ZNF559: variants seen among roughly 807,000 people sequenced by gnomAD.
ZNF559 encodes zinc finger protein 559, also known as putative protein product of Nbla00121.
Under a neutral mutation model 14.2 loss-of-function variants are expected in ZNF559, and 17 were observed. The observed-to-expected ratio is 1.20, with a 90% confidence interval of 0.82 to 1.80. ZNF559 has a LOEUF of 1.80. Among genes scored for constraint, ZNF559 ranks in the 40% most tolerant of loss-of-function variants. The probability of loss-of-function intolerance (pLI) is 0.00; values close to 1 mark genes in which losing one functional copy is unlikely to be tolerated. For missense variants in ZNF559, 740 were observed against 629.7 expected, an observed-to-expected ratio of 1.18 and a Z score of -1.88; for synonymous variants, 244 against 212.4, an observed-to-expected ratio of 1.15 and a Z score of -1.29.
intron 6 of ZNF559, 178 bp downstream of exon 6, chr19:9,341,362 C>A: frequency 1.3e-6 from 1 of 759,378 alleles, no homozygotes; most frequent in South Asian, 1.5e-5. Flanking sequence ...TCTAAACATC[C>A]CTCAGAATAT....
intron 5 of ZNF559, among the ~76,000 whole-genome samples, chr19:9,340,733 ATT>A (rs201367378): frequency 0.032 from 4,039 of 124,634 alleles, 197 homozygotes; most frequent in African/African-American, 0.11. Flanking sequence ...TGCCTGGCTA[ATT>A]TTTTTTTTTT....
chr19:9,341,224 G>A, intron 6 of ZNF559, 40 bp downstream of exon 6: 1 of 1,568,156 alleles, frequency 6.4e-7, no homozygotes, highest in Non-Finnish European at 8.8e-7. Flanking sequence ...TTCCATGTTA[G>A]AGGAAGATTG....
At position 9,338,595 on chromosome 19, in the gene ZNF559, T is replaced by A; in HGVS notation, c.33+13T>A. 1 of 1,601,544 alleles carries A rather than the reference T, an allele frequency of 6.2e-7. No homozygotes were observed. The highest frequency in any genetic ancestry group is 1.1e-5 in the South Asian group (1 of 90,776). ...AAATTACTCTCAGGTAAGTAGGAAATTGCTTTTTCTGTAGAAGCATATGCT... is the reference window on the plus strand; with the variant it reads ...AAATTACTCTCAGGTAAGTAGGAAAATGCTTTTTCTGTAGAAGCATATGCT... On this transcript the variant is annotated intron_variant, in intron 4 of 6. Transcript: ENST00000603380.
At chr19:9,324,306 T>G (rs2066440855) in intron 1 of ZNF559, 78 bp downstream of exon 1, 2 of 1,535,200 alleles carry the variant, frequency 1.3e-6, no homozygotes, top group Non-Finnish European at 1.7e-6. Flanking sequence ...AAAGGGGAGG[T>G]GCCCAGTGAA....
intron 4 of ZNF559, among the ~76,000 whole-genome samples, chr19:9,338,952 GA>G (rs1003252125): frequency 2.0e-5 from 3 of 152,158 alleles, no homozygotes; most frequent in African/African-American, 7.2e-5. Flanking sequence ...ACAATAAGAA[GA>G]AGTCACAATC....
At chr19:9,324,013 C>G (rs766223997), upstream of ZNF559, 30 of 736,100 alleles carry the variant, frequency 4.1e-5, no homozygotes, top group Non-Finnish European at 5.7e-5. Flanking sequence ...AGCTTGCAGT[C>G]AAGACCCCCT....
At chr19:9,329,559 G>A (rs1185355548) in intron 2 of ZNF559, among the ~76,000 whole-genome samples, 1 of 152,168 alleles carries the variant, frequency 6.6e-6, no homozygotes, top group Non-Finnish European at 1.5e-5. Flanking sequence ...GGCTCCTGCT[G>A]TCCTTTGGTT....
At chr19:9,327,922 C>T (rs1295596026) in intron 2 of ZNF559, among the ~76,000 whole-genome samples, 1 of 152,204 alleles carries the variant, frequency 6.6e-6, no homozygotes, top group Non-Finnish European at 1.5e-5. Flanking sequence ...GTATTTTCCT[C>T]TTACAGACCT....
rs1568369447 is a variant in ZNF559, at chr19:9,342,658, C to G, written c.1207C>G (p.His403Asp). 6.2e-7 allele frequency: 1 copy of G among 1,614,190 alleles called. No individual in the cohort carries two copies. Among genetic ancestry groups the G allele is most frequent in the South Asian group, 1.1e-5 (1 of 91,088 alleles). Residue 403 changes from histidine (H) to aspartate (D), a missense_variant, in exon 7 of 7, where the codon CAT (histidine) becomes GAT (aspartate). Transcript: ENST00000603380. ...TTCCTTTAAAAGTCACATGCAGACTCATCCTGGTGTAAAACCCTATGACTG... is the reference window on the plus strand; with the variant it reads ...TTCCTTTAAAAGTCACATGCAGACTGATCCTGGTGTAAAACCCTATGACTG... ...SSSFKSHMQT[H>D]PGVKPYDCQQ... is the part of the protein sequence containing the mutation.
rs1252096504 is a variant in ZNF559 at position 9,342,106 on chromosome 19, G to A, written c.655G>A (p.Val219Ile). 1 of 1,613,512 alleles carries A rather than the reference G, an allele frequency of 6.2e-7. No individual in the cohort carries two copies. Residue 219 changes from valine (V) to isoleucine (I), a missense_variant, in exon 7 of 7, where the codon GTC (valine) becomes ATC (isoleucine). Transcript: ENST00000603380. ...GAGACCATATACTCATAAGGAGTATGTCGAAACCTTTTCTCATTCTACAGC... is the reference window on the plus strand; with the variant it reads ...GAGACCATATACTCATAAGGAGTATATCGAAACCTTTTCTCATTCTACAGC... ...GERPYTHKEY[V>I]ETFSHSTALF... is the part of the protein sequence containing the mutation.
chr19:9,345,670 T>G lies in ZNF559; in HGVS notation c.*2602T>G, dbSNP rs535847609. On this transcript the variant is annotated 3_prime_UTR_variant, in exon 7 of 7. Transcript: ENST00000603380. Reference sequence around the variant, plus strand: ...TTATTTATTTTTATTTTTTTTTATATAGAGACAGGGTTTTACTCTGTCTCC... The same window carrying G: ...TTATTTATTTTTATTTTTTTTTATAGAGAGACAGGGTTTTACTCTGTCTCC... 6.6e-6 allele frequency: 1 copy of G among 151,144 alleles called. No homozygotes were observed. Among genetic ancestry groups the G allele is most frequent in the African/African-American group, 2.4e-5 (1 of 41,278 alleles). The allele number at this position is 151,144 out of a possible 1,614,324, so 9.4% of individuals were successfully genotyped here.
Position 9,324,421 on chromosome 19 carries a change from C to T in ZNF559, c.-206+193C>T, listed in dbSNP as rs1208081707. ...CACAGTCAGGTCTGTCCTCAGGGGTCGAGGCGGCTGCGCTGGGGCCTCGGC... is the reference window on the plus strand; with the variant it reads ...CACAGTCAGGTCTGTCCTCAGGGGTTGAGGCGGCTGCGCTGGGGCCTCGGC... On this transcript the variant is annotated intron_variant, in intron 1 of 6. Coordinates refer to ENST00000603380, the MANE Select transcript of ZNF559 (RefSeq NM_032497.3). 3.5e-6 allele frequency: 5 copies of T among 1,443,332 alleles called. No homozygotes were observed. In the East Asian group the frequency reaches 1.0e-4, roughly 29 times the overall value. 89.4% of individuals were successfully genotyped at this position (1,443,332 alleles called of 1,614,324 possible).
At chr19:9,329,514 G>A (rs2066824372) in intron 2 of ZNF559, among the ~76,000 whole-genome samples, 1 of 151,764 alleles carries the variant, frequency 6.6e-6, no homozygotes, top group Admixed American at 6.5e-5. Context: ...CACAATTTTT[G>A]TCTTAAAGTC....
At chr19:9,335,489 A>G (rs2067187469) in intron 2 of ZNF559, among the ~76,000 whole-genome samples, 1 of 152,158 alleles carries the variant, frequency 6.6e-6, no homozygotes, top group Admixed American at 6.6e-5. Flanking sequence ...AAAATATAAA[A>G]TAGACAAACT....
At chr19:9,329,949 A>T (rs563919500) in intron 2 of ZNF559, among the ~76,000 whole-genome samples, 9 of 152,306 alleles carry the variant, frequency 5.9e-5, no homozygotes, top group African/African-American at 2.2e-4. Flanking sequence ...GGTGTGAGCC[A>T]CCGTGCCCCA....
At chr19:9,338,756 G>T (rs978702937) in intron 4 of ZNF559, among the ~76,000 whole-genome samples, 174 bp downstream of exon 4, 15 of 152,296 alleles carry the variant, frequency 9.8e-5, no homozygotes, top group African/African-American at 3.6e-4. Flanking sequence ...AGGTTTCACA[G>T]GGAAATGATT....
chr19:9,327,320 T>C (rs2066671936), intron 2 of ZNF559, among the ~76,000 whole-genome samples: 1 of 152,160 alleles, frequency 6.6e-6, no homozygotes, highest in Non-Finnish European at 1.5e-5. Context: ...TGATCTTGGC[T>C]CACTGCAACC....
chr19:9,325,459 A>G lies in ZNF559; in HGVS notation c.-120+679A>G, dbSNP rs561510919. Among the ~76,000 whole-genome samples, 227 of 151,848 alleles carry G rather than the reference A, an allele frequency of 1.5e-3. 4 individuals are homozygous for G. Among genetic ancestry groups the G allele is most frequent in the African/African-American group, 5.2e-3 (215 of 41,280 alleles). ...CCTGTTTCAAAAAGAAGAAAAAAAA[A>G]CAAATACTGATCTAGAGAACATCTG... On this transcript the variant is annotated intron_variant, in intron 2 of 6. Transcript: ENST00000603380.
At chr19:9,324,167 C>T (rs774947243), upstream of ZNF559, 21 of 1,535,954 alleles carry the variant, frequency 1.4e-5, no homozygotes, top group African/African-American at 1.1e-4. Flanking sequence ...CGCGGCGTGT[C>T]TGCGTGGGCG....
Sources: allele counts gnomAD v4.1 joint callset (sites outside exome capture counted in the v4.1 genomes callset), GRCh38; gene constraint gnomAD v4.1.1; transcripts MANE v1.5; gene names NCBI Gene and HGNC (gene_info 2026-07-23, HGNC 2026-07-21).